ABI3BP: variants seen among roughly 807,000 people sequenced by gnomAD.
ABI3BP encodes the protein target of Nesh-SH3.
ABI3BP carries 216 observed loss-of-function variants against 268.6 expected under a neutral mutation model. That is an observed-to-expected ratio of 0.80 (90% CI 0.72 to 0.90). The LOEUF is 0.90. Ranked by LOEUF, ABI3BP falls within the 40% of genes least tolerant of loss-of-function variation. ABI3BP has a pLI of 0.00. For missense variants in ABI3BP, 2,090 were observed against 2,182.4 expected, an observed-to-expected ratio of 0.96 and a Z score of 0.84; for synonymous variants, 730 against 730.0, an observed-to-expected ratio of 1.00 and a Z score of 0.00.
At chr3:100,922,633 T>G (rs2060635872) in intron 2 of ABI3BP, among the ~76,000 whole-genome samples, 1 of 152,072 alleles carries the variant, frequency 6.6e-6, no homozygotes, top group South Asian at 2.1e-4. Flanking sequence ...CCCACTGTTG[T>G]TGACCTTGAG....
At chr3:100,755,191 G>A (rs2149333447) in intron 63 of ABI3BP, among the ~76,000 whole-genome samples, 1 of 152,304 alleles carries the variant, frequency 6.6e-6, no homozygotes, top group East Asian at 1.9e-4. Context: ...TGGCAGTGGT[G>A]AAAGTGTCTT....
intron 37 of ABI3BP, among the ~76,000 whole-genome samples, chr3:100,823,121 C>CA (rs1399161504): frequency 6.6e-6 from 1 of 152,058 alleles, no homozygotes; most frequent in Non-Finnish European, 1.5e-5. Flanking sequence ...TTCAGATGTA[C>CA]AATGGGTTCT....
rs1239658228 is a variant in ABI3BP at position 100,954,540 on chromosome 3, T to C, written c.80-28059A>G. ...TATCCATTTCCTCTATCCTTTGCTG[T>C]TATAATTTATTTAAATAAATAAAGT... On this transcript the variant is annotated intron_variant, in intron 1 of 67. Coordinates refer to ENST00000471714, the MANE Select transcript of ABI3BP (RefSeq NM_001375547.2). Among the ~76,000 whole-genome samples the C allele has an allele frequency of 2.0e-5, 3 of 152,204 alleles. No individual in the cohort carries two copies. In the East Asian group the frequency reaches 5.8e-4, roughly 29 times the overall value.
chr3:100,842,267 TG>T (rs78164063), intron 20 of ABI3BP, among the ~76,000 whole-genome samples: 2,345 of 152,314 alleles, frequency 0.015, 101 homozygotes, highest in East Asian at 0.15. Context: ...CCCAATATTC[TG>T]GTTTGCCTCT....
chr3:100,835,233 A>G (rs1319666961), intron 28 of ABI3BP, among the ~76,000 whole-genome samples: 1 of 152,234 alleles, frequency 6.6e-6, no homozygotes, highest in Non-Finnish European at 1.5e-5. Flanking sequence ...ATCTTAAAAC[A>G]ACAGAAAGTA....
At chr3:100,760,630 G>A (rs1275566619) in intron 63 of ABI3BP, among the ~76,000 whole-genome samples, 3 of 152,148 alleles carry the variant, frequency 2.0e-5, no homozygotes, top group African/African-American at 7.2e-5. Flanking sequence ...TCATTTTAGA[G>A]CTGGAGGAGA....
chr3:100,817,533 C>G lies in ABI3BP; in HGVS notation c.3089-38G>C, dbSNP rs956140464. Reference sequence around the variant, plus strand: ...AATAAAATAAAGCAAAAAGATTTAACTTGAATATTAATTTCACAGTTCAAT... The same window carrying G: ...AATAAAATAAAGCAAAAAGATTTAAGTTGAATATTAATTTCACAGTTCAAT... On this transcript the variant is annotated intron_variant, in intron 41 of 67. Coordinates refer to ENST00000471714, the MANE Select transcript of ABI3BP (RefSeq NM_001375547.2). 3.7e-6 allele frequency: 5 copies of G among 1,344,690 alleles called. No individual in the cohort carries two copies. In the African/African-American group the frequency reaches 4.4e-5, roughly 12 times the overall value. The allele number at this position is 1,344,690 out of a possible 1,614,324, so 83.3% of individuals were successfully genotyped here. A position where few individuals can be genotyped will look rare whatever the true frequency, so the allele number is the denominator to read the frequency against.
intron 34 of ABI3BP, among the ~76,000 whole-genome samples, chr3:100,827,743 T>C (rs2098414762): frequency 6.6e-6 from 1 of 152,156 alleles, no homozygotes; most frequent in Non-Finnish European, 1.5e-5. Context: ...AATAAATTTA[T>C]TAATTCAGAT....
intron 38 of ABI3BP, among the ~76,000 whole-genome samples, chr3:100,821,435 T>C (rs9877253): frequency 2.0e-5 from 3 of 151,758 alleles, no homozygotes; most frequent in Admixed American, 6.6e-5. Context: ...ATTCCTCCAT[T>C]CTGAGCAAAG....
At chr3:100,889,354 A>T (rs1293362425) in intron 4 of ABI3BP, among the ~76,000 whole-genome samples, 1 of 152,162 alleles carries the variant, frequency 6.6e-6, no homozygotes, top group African/African-American at 2.4e-5. Context: ...TTTGTACTGC[A>T]CTGGACTCTT....
At position 100,774,587 on chromosome 3, in the gene ABI3BP, A is replaced by G; in HGVS notation, c.4531+18T>C. 2 of 1,551,992 alleles carry G rather than the reference A, an allele frequency of 1.3e-6. No homozygotes were observed. The highest frequency in any genetic ancestry group is 1.7e-6 in the Non-Finnish European group (2 of 1,150,346). ...AATGGCCTTTTCAAATGTGAGATTC[A>G]CAGCCAGTCATACATACCTTTGAAT... On this transcript the variant is annotated intron_variant, in intron 61 of 67. Transcript: ENST00000471714.
At chr3:100,876,127 G>T (rs1002257789) in intron 7 of ABI3BP, among the ~76,000 whole-genome samples, 1 of 152,146 alleles carries the variant, frequency 6.6e-6, no homozygotes, top group Non-Finnish European at 1.5e-5. Flanking sequence ...AGATACTGAC[G>T]TGAAGTGACA....
In ABI3BP at chr3:100,864,914, G is replaced by T. The variant is rs201161913; in HGVS notation, c.989-7C>A. On this transcript the variant is annotated splice_polypyrimidine_tract_variant and splice_region_variant and intron_variant, in intron 10 of 67. Coordinates refer to ENST00000471714, the MANE Select transcript of ABI3BP (RefSeq NM_001375547.2). The stretch of plus-strand genomic sequence containing the variant: ...GGAACTGTTTCAGGAGTCACTGAAA[G>T]GTAAAAAGCACAACTTTACAAATTA... 1.9e-6 allele frequency: 3 copies of T among 1,595,566 alleles called. No homozygotes were observed. The highest frequency in any genetic ancestry group is 2.6e-6 in the Non-Finnish European group (3 of 1,170,678).
At chr3:100,774,088 T>C (rs1283555025) in intron 61 of ABI3BP, among the ~76,000 whole-genome samples, 1 of 152,202 alleles carries the variant, frequency 6.6e-6, no homozygotes, top group Non-Finnish European at 1.5e-5. Flanking sequence ...AAAAAAGGGC[T>C]CTATGTCATA....
At chr3:100,781,978 T>G (rs2096878981) in intron 57 of ABI3BP, among the ~76,000 whole-genome samples, 2 of 152,210 alleles carry the variant, frequency 1.3e-5, no homozygotes, top group Admixed American at 6.5e-5. Context: ...AGCCTATCTC[T>G]TCAGCACTAA....
chr3:100,889,091 CA>C (rs1227372048), intron 4 of ABI3BP, among the ~76,000 whole-genome samples: 2 of 152,096 alleles, frequency 1.3e-5, no homozygotes, highest in East Asian at 3.9e-4. Flanking sequence ...TTATATTTTG[CA>C]ACACATCATT....
chr3:100,780,259 A>G (rs1171502664), intron 57 of ABI3BP, 50 bp from the exon 58 acceptor site: 13 of 1,572,924 alleles, frequency 8.3e-6, no homozygotes, highest in Non-Finnish European at 1.1e-5. Context: ...AAAATGTTCC[A>G]TGGAAACTTG....
In ABI3BP at chr3:100,825,773, T is replaced by C. The variant is rs2098370260; in HGVS notation, c.2662+12A>G. On this transcript the variant is annotated intron_variant, in intron 35 of 67. Coordinates refer to ENST00000471714, the MANE Select transcript of ABI3BP (RefSeq NM_001375547.2). ...CACTTGGCAAACAGCCAGGTAATTG[T>C]AGGGTCGTTACCTAAGGTTGTTGCA... The C allele has an allele frequency of 4.6e-6, 7 of 1,532,126 alleles. No homozygotes were observed. Among genetic ancestry groups the C allele is most frequent in the Non-Finnish European group, 6.1e-6 (7 of 1,143,322 alleles). The allele number at this position is 1,532,126 out of a possible 1,614,324, so 94.9% of individuals were successfully genotyped here. A position where few individuals can be genotyped will look rare whatever the true frequency, so the allele number is the denominator to read the frequency against.
At position 100,756,512 on chromosome 3, in the gene ABI3BP, A is replaced by AT. The variant is rs1404911448; in HGVS notation, c.4851-1822dup. ...ACATGAAATATTTTCCAGAGATTAA[A>AT]TTTTTGCTAAGAGGCCTGAAAACAA... On this transcript the variant is annotated intron_variant, in intron 63 of 67. Transcript: ENST00000471714. 1.1e-4 allele frequency among the ~76,000 whole-genome samples: 16 copies of AT among 152,194 alleles called. 1 individual carries two copies. The highest frequency in any genetic ancestry group is 3.4e-4 in the African/African-American group (14 of 41,452).
Sources: gnomAD v4.1 joint callset for allele counts (sites outside exome capture counted in the v4.1 genomes callset) on GRCh38, gnomAD v4.1.1 for gene constraint, MANE v1.5 for transcripts, NCBI Gene and HGNC (gene_info 2026-07-23, HGNC 2026-07-21) for gene names.